The following ZNF451 variants were observed in gnomAD, a reference collection of about 807,000 sequenced individuals.
ZNF451 encodes E3 SUMO-protein ligase ZNF451.
A neutral mutation model predicts 107.1 loss-of-function variants in ZNF451; 80 were observed. The ratio of observed to expected loss-of-function variants is 0.75; its 90% CI spans 0.62 to 0.90. ZNF451 has a LOEUF of 0.90. ZNF451 is among the 40% of genes least tolerant of loss of function. The pLI is 0.00. For synonymous variants in ZNF451, 362 were observed against 406.5 expected, an observed-to-expected ratio of 0.89 and a Z score of 1.32; for missense variants, 1,107 against 1,236.2, an observed-to-expected ratio of 0.90 and a Z score of 1.57.
chr6:57,118,234 A>T (rs1467811166), intron 3 of ZNF451, among the ~76,000 whole-genome samples: 1 of 151,506 alleles, frequency 6.6e-6, no homozygotes, highest in Non-Finnish European at 1.5e-5. Context: ...TTTGGTAGGT[A>T]AACAGTAATT....
intron 14 of ZNF451, among the ~76,000 whole-genome samples, chr6:57,167,301 G>C (rs189933217): frequency 6.6e-6 from 1 of 152,188 alleles, no homozygotes; most frequent in East Asian, 1.9e-4. Context: ...ATATATGCAT[G>C]GGTCTGTTTC....
At chr6:57,138,424 G>A (rs572066987) in intron 7 of ZNF451, among the ~76,000 whole-genome samples, 1 of 151,504 alleles carries the variant, frequency 6.6e-6, no homozygotes, top group African/African-American at 2.4e-5. Flanking sequence ...CACCACACCC[G>A]GCTAATTTTT....
At position 57,098,087 on chromosome 6, in the gene ZNF451, A is replaced by C. The variant is rs1216108663; in HGVS notation, c.106-974A>C. Among the ~76,000 whole-genome samples, 3 of 151,066 alleles carry C rather than the reference A, an allele frequency of 2.0e-5. No individual in the cohort carries two copies. The East Asian group carries it at 6.0e-4, about 30-fold the overall frequency. On this transcript the variant is annotated intron_variant, in intron 2 of 14. Transcript: ENST00000370706. ...CAGGTTCAAGCAATTCTCCAGCCTC[A>C]GCCTCCTGAGTAGCTGGGACTACAG...
chr6:57,107,410 AT>A lies in ZNF451; in HGVS notation c.186+8270del, dbSNP rs1294490629. The A allele has an allele frequency of 1.1e-5, 11 of 985,194 alleles. No individual in the cohort carries two copies. In the African/African-American group the frequency reaches 1.7e-4, roughly 16 times the overall value. 61.0% of individuals were successfully genotyped at this position (985,194 alleles called of 1,614,324 possible). ...TCTTCTAATGTCCCTTTTAAAAAAA[AT>A]ATAGCCAGTCCAATATCTCAAACTA... On this transcript the variant is annotated intron_variant, in intron 3 of 14. Transcript: ENST00000370706.
In ZNF451 at chr6:57,147,821, A is replaced by G. The variant is rs1832147166; in HGVS notation, c.1736A>G (p.Asp579Gly). The G allele has an allele frequency of 5.0e-6, 8 of 1,613,990 alleles. No homozygotes were observed. The Admixed American group carries it at 8.3e-5, about 17-fold the overall frequency. The change falls in exon 10 of 15, where the codon GAT becomes GGT. Residue 579 changes from aspartate to glycine, a missense_variant. Asp to Gly is a moderately conservative substitution (Grantham distance 94, BLOSUM62 -1). This residue lies in a region of ZNF451 where 608 missense variants were observed against 649.2 expected (regional missense o/e 0.94). Transcript: ENST00000370706. Reference sequence around the variant, plus strand: ...TTGCCATCATCCTCTACAACATTGGATAATTTGACTGCTAACAAGCCTTCA... The same window carrying G: ...TTGCCATCATCCTCTACAACATTGGGTAATTTGACTGCTAACAAGCCTTCA... ...ETLPSSSTTL[D>G]NLTANKPSSA...
chr6:57,109,239 T>A lies in ZNF451; in HGVS notation c.186+10098T>A, dbSNP rs1439149993. On this transcript the variant is annotated intron_variant, in intron 3 of 14. Coordinates refer to ENST00000370706, the MANE Select transcript of ZNF451 (RefSeq NM_001031623.3). ...TTTTCAGCACTGATTATGTTAATCG[T>A]ATTGCTTGAGTTTTTTCTTTGTTCA... 4 of 985,306 alleles carry A rather than the reference T, an allele frequency of 4.1e-6. 1 individual carries two copies. The highest frequency in any genetic ancestry group is 1.7e-5 in the African/African-American group (1 of 57,242). 61.0% of individuals were successfully genotyped at this position (985,306 alleles called of 1,614,324 possible). A position where few individuals can be genotyped will look rare whatever the true frequency, so the allele number is the denominator to read the frequency against.
intron 3 of ZNF451, chr6:57,102,503 T>C: frequency 1.0e-6 from 1 of 992,476 alleles, no homozygotes; most frequent in Non-Finnish European, 1.2e-6. Context: ...GTCTGTTTAC[T>C]AAGACCAGAG....
chr6:57,163,946 A>G (rs1485418525), intron 14 of ZNF451, among the ~76,000 whole-genome samples: 3 of 152,146 alleles, frequency 2.0e-5, no homozygotes, highest in Admixed American at 6.5e-5. Flanking sequence ...ATTTTAAGCA[A>G]CCTCTTAAGT....
chr6:57,109,467 C>G (rs114993357), intron 3 of ZNF451: 3 of 985,374 alleles, frequency 3.0e-6, no homozygotes, highest in Non-Finnish European at 3.6e-6. Flanking sequence ...AGGTAATATC[C>G]GAAAGTACTT....
chr6:57,099,032 G>T, intron 2 of ZNF451, 29 bp from the exon 3 acceptor site: 1 of 1,584,438 alleles, frequency 6.3e-7, no homozygotes, highest in South Asian at 1.1e-5. Context: ...AACTGTTAAT[G>T]ACTTCTAAAT....
intron 9 of ZNF451, among the ~76,000 whole-genome samples, chr6:57,143,165 T>A (rs1831864619): frequency 6.6e-6 from 1 of 152,176 alleles, no homozygotes; most frequent in Non-Finnish European, 1.5e-5. Flanking sequence ...CATATTCATA[T>A]TTTTAATTAT....
At chr6:57,112,141 G>A (rs1405821257) in intron 3 of ZNF451, among the ~76,000 whole-genome samples, 1 of 152,106 alleles carries the variant, frequency 6.6e-6, no homozygotes. Context: ...GTGTTATTTG[G>A]GATACGGGTT....
rs1168882759 is a variant in ZNF451 at position 57,108,400 on chromosome 6, A to G, written c.186+9259A>G. 7 of 985,294 alleles carry G rather than the reference A, an allele frequency of 7.1e-6. No homozygotes were observed. The African/African-American group carries it at 1.0e-4, about 15-fold the overall frequency. The allele number at this position is 985,294 out of a possible 1,614,324, so 61.0% of individuals were successfully genotyped here. ...ACTACCTTGATTTATAAATGTAGTA[A>G]TGTGTTAAATAACTATATGTTGTGG... On this transcript the variant is annotated intron_variant, in intron 3 of 14. Transcript: ENST00000370706.
chr6:57,145,981 A>G (rs778747284), intron 9 of ZNF451, among the ~76,000 whole-genome samples: 2 of 152,096 alleles, frequency 1.3e-5, no homozygotes, highest in Admixed American at 6.6e-5. Flanking sequence ...TGACTTTTTA[A>G]TAACAGCCAT....
intron 3 of ZNF451, chr6:57,105,156 C>CA (rs1829789671): frequency 1.0e-6 from 1 of 985,216 alleles, no homozygotes; most frequent in Non-Finnish European, 1.2e-6. Flanking sequence ...GAACCTGCAA[C>CA]AAAATTCCCT....
chr6:57,101,481 C>CA, intron 3 of ZNF451: 1 of 1,550,902 alleles, frequency 6.4e-7, no homozygotes, highest in Non-Finnish European at 8.7e-7. Flanking sequence ...TAGAACACAG[C>CA]AAAAGAGGAA....
In ZNF451 at chr6:57,090,272, G is replaced by C. The variant is rs1187171358; in HGVS notation, c.19G>C (p.Glu7Gln). Residue 7 changes from glutamate to glutamine, a missense_variant and splice_region_variant, in exon 1 of 15, where the codon GAG becomes CAG. Physicochemically the swap from Glu to Gln is conservative, Grantham distance 29. Around this residue, in one of 5 missense-constraint regions of ZNF451, gnomAD observed 339 missense variants for 372.8 expected, o/e 0.91. Transcript: ENST00000370706. ...CGGAGACATGGGAGACCCGGGGTCG[G>C]AGGTGAGTAGTCGAGTGAGGGTCCT... is the stretch of plus-strand genomic sequence containing the variant. MGDPGS[E>Q]IIESVPPAGP... The C allele has an allele frequency of 1.2e-6, 2 of 1,611,262 alleles. No individual in the cohort carries two copies. The highest frequency in any genetic ancestry group is 1.3e-5 in the African/African-American group (1 of 74,990).
chr6:57,158,822 C>T, intron 13 of ZNF451: 1 of 985,346 alleles, frequency 1.0e-6, no homozygotes, highest in South Asian at 4.7e-5. Flanking sequence ...ACTGTCATAT[C>T]CATTTAGTTG....
At chr6:57,105,519 T>C (rs903196200) in intron 3 of ZNF451, 1 of 985,452 alleles carries the variant, frequency 1.0e-6, no homozygotes, top group African/African-American at 1.7e-5. Flanking sequence ...ACTATCTAAA[T>C]GTACTCCCTT....
Sources: gnomAD v4.1 joint callset for allele counts (sites outside exome capture counted in the v4.1 genomes callset) on GRCh38, gnomAD v4.1.1 for gene constraint, gnomAD v4.1.1 regional missense constraint, MANE v1.5 for transcripts, NCBI Gene and HGNC (gene_info 2026-07-23, HGNC 2026-07-21) for gene names.